SEC63: variants seen among roughly 807,000 people sequenced by gnomAD.
SEC63 encodes SEC63 protein translocation regulator.
In SEC63, 56 loss-of-function variants were observed where a neutral mutation model predicts 116.2. The ratio of observed to expected loss-of-function variants is 0.48; its 90% confidence interval spans 0.39 to 0.60. The LOEUF is 0.60. Ranked by LOEUF, SEC63 falls within the 20% of genes least tolerant of loss-of-function variation. The pLI, the probability that SEC63 is intolerant of heterozygous loss-of-function variation, is 0.00. For missense variants in SEC63, 668 were observed against 900.0 expected, an observed-to-expected ratio of 0.74 and a Z score of 3.30; for synonymous variants, 273 against 294.6, an observed-to-expected ratio of 0.93 and a Z score of 0.75.
chr6:107,904,049 C>T lies in SEC63; in HGVS notation c.1054+580G>A, dbSNP rs536891241. On this transcript the variant is annotated intron_variant, in intron 11 of 20. Transcript: ENST00000369002. ...AGGAGAATCACTTGACCCTGGGAGG[C>T]GGAGGTTGCAGTGAGCCAAGATCGC... Among the ~76,000 whole-genome samples, 5 of 148,374 alleles carry T rather than the reference C, an allele frequency of 3.4e-5. No homozygotes were observed. The South Asian group carries it at 8.6e-4, about 25-fold the overall frequency.
Position 107,868,474 on chromosome 6 carries a change from G to A in SEC63, c.*3230C>T, listed in dbSNP as rs1370142151. The stretch of plus-strand genomic sequence containing the variant: ...TGCACCTGCAGTCCCAGCTACTCAG[G>A]AGGCTGAGGCAGAAGAATCGCTTGA... On this transcript the variant is annotated 3_prime_UTR_variant, in exon 21 of 21. Coordinates refer to ENST00000369002, the MANE Select transcript of SEC63 (RefSeq NM_007214.5). The A allele has an allele frequency of 3.9e-5, 6 of 152,400 alleles. No homozygotes were observed. Among genetic ancestry groups the A allele is most frequent in the African/African-American group, 9.7e-5 (4 of 41,436 alleles). 9.4% of individuals were successfully genotyped at this position (152,400 alleles called of 1,614,324 possible).
In SEC63 at chr6:107,873,544, T is replaced by TA. The variant is rs764531524; in HGVS notation, c.2035-633dup. The stretch of plus-strand genomic sequence containing the variant: ...ATTAAATATTAAAATATGCCAGTTT[T>TA]AAAAAAACTAGAAAAAATCATGAAG... On this transcript the variant is annotated intron_variant, in intron 19 of 20. Transcript: ENST00000369002. 2.6e-4 allele frequency among the ~76,000 whole-genome samples: 39 copies of TA among 152,008 alleles called. 5 individuals are homozygous for TA. Among genetic ancestry groups the TA allele is most frequent in the Admixed American group, 1.6e-3 (25 of 15,258 alleles).
intron 16 of SEC63, among the ~76,000 whole-genome samples, chr6:107,891,116 T>C (rs1305554093): frequency 2.0e-5 from 3 of 151,924 alleles, no homozygotes; most frequent in Admixed American, 6.6e-5. Flanking sequence ...ATGTTGACCT[T>C]GCTAGGTTGG....
At chr6:107,928,057 A>G (rs1209384785) in intron 2 of SEC63, among the ~76,000 whole-genome samples, 1 of 152,154 alleles carries the variant, frequency 6.6e-6, no homozygotes, top group Non-Finnish European at 1.5e-5. Context: ...TTTAATTCAA[A>G]ATGAGAACCA....
intron 12 of SEC63, among the ~76,000 whole-genome samples, chr6:107,902,557 A>C (rs1787030678): frequency 6.6e-6 from 1 of 151,620 alleles, no homozygotes. Flanking sequence ...TGTAAAGTAG[A>C]CAGTACATTT....
intron 16 of SEC63, among the ~76,000 whole-genome samples, chr6:107,884,802 T>A (rs1369625974): frequency 6.6e-6 from 1 of 152,074 alleles, no homozygotes; most frequent in East Asian, 1.9e-4. Flanking sequence ...AAGAAAATAC[T>A]GTAAAATCCA....
chr6:107,907,826 C>G (rs1179786864), intron 8 of SEC63, among the ~76,000 whole-genome samples: 3 of 152,102 alleles, frequency 2.0e-5, no homozygotes, highest in Non-Finnish European at 4.4e-5. Flanking sequence ...CTAAAATAAC[C>G]TAGAATGTGT....
chr6:107,897,602 C>T, intron 14 of SEC63, 47 bp downstream of exon 14: 1 of 1,268,638 alleles, frequency 7.9e-7, no homozygotes, highest in Non-Finnish European at 1.2e-6. Context: ...ATATAAAAGC[C>T]TTGACACACA....
intron 18 of SEC63, 118 bp downstream of exon 18, chr6:107,881,031 T>A: frequency 1.3e-6 from 1 of 766,006 alleles, no homozygotes; most frequent in Admixed American, 1.8e-5. Context: ...CCTCTCAGGA[T>A]AGACCACATT....
intron 1 of SEC63, among the ~76,000 whole-genome samples, chr6:107,932,745 T>A (rs1341134377): frequency 6.6e-6 from 1 of 152,134 alleles, no homozygotes; most frequent in East Asian, 1.9e-4. Context: ...TAGCTCTATC[T>A]ACTAAGTGGG....
At chr6:107,922,453 C>A (rs1364443849) in intron 3 of SEC63, among the ~76,000 whole-genome samples, 1 of 152,230 alleles carries the variant, frequency 6.6e-6, no homozygotes, top group Non-Finnish European at 1.5e-5. Context: ...CTGCAGTGAG[C>A]TGAGACTACG....
chr6:107,917,603 C>T (rs769731697), intron 4 of SEC63, among the ~76,000 whole-genome samples: 47 of 152,172 alleles, frequency 3.1e-4, no homozygotes, highest in Admixed American at 1.3e-4. Context: ...AGAGCAACAG[C>T]GCTTAAAGGA....
Position 107,902,931 on chromosome 6 carries a change from A to G in SEC63, c.1122T>C (p.Val374=). The part of the protein sequence containing the change: ...ENCMKLSQMA[V]QGLQQFKSPL... The stretch of plus-strand genomic sequence containing the variant: ...GAGACTTAAATTGCTGAAGTCCCTG[A>G]ACGGCCATCTGAGAAAGCTTCATGC... Residue 374 remains valine, a synonymous_variant, in exon 12 of 21, where the codon GTT becomes GTC. Transcript: ENST00000369002. The G allele has an allele frequency of 6.2e-7, 1 of 1,614,002 alleles. No homozygotes were observed. The highest frequency in any genetic ancestry group is 8.5e-7 in the Non-Finnish European group (1 of 1,179,884).
Position 107,901,373 on chromosome 6 carries a change from G to A in SEC63, c.1354C>T (p.Gln452Ter). The change falls in exon 13 of 21, where the codon CAG becomes TAG. Residue 452 changes from glutamine to a stop codon, truncating the protein, a stop_gained. Coordinates refer to ENST00000369002, the MANE Select transcript of SEC63 (RefSeq NM_007214.5). LOFTEE classifies it high-confidence loss of function. ...FPYVTMDIKS[Q>*]VLDDEDSNNI... ...AACAGAGAAACCTCCCACTTACCCT[G>A]TGATTTTATATCCATGGTCACATAT... 1 of 1,612,508 alleles carries A rather than the reference G, an allele frequency of 6.2e-7. No homozygotes were observed. The highest frequency in any genetic ancestry group is 8.5e-7 in the Non-Finnish European group (1 of 1,179,594).
chr6:107,876,681 A>AAAG lies in SEC63; in HGVS notation c.1936-20_1936-19insCTT. ...GTTTTTCCTGGAAACAAAAAAAAAA[A>AAAG]AAAAAAAAGAAGAGGGGTATAAATA... On this transcript the variant is annotated intron_variant, in intron 18 of 20. Transcript: ENST00000369002. The AAAG allele has an allele frequency of 1.3e-6, 2 of 1,504,686 alleles. No individual in the cohort carries two copies. The highest frequency in any genetic ancestry group is 2.3e-5 in the South Asian group (2 of 86,592). The allele number at this position is 1,504,686 out of a possible 1,614,324, so 93.2% of individuals were successfully genotyped here.
chr6:107,876,676 A>AAAG lies in SEC63; in HGVS notation c.1936-15_1936-14insCTT. 1 of 1,464,242 alleles carries AAAG rather than the reference A, an allele frequency of 6.8e-7. No homozygotes were observed. The highest frequency in any genetic ancestry group is 9.4e-7 in the Non-Finnish European group (1 of 1,064,384). The allele number at this position is 1,464,242 out of a possible 1,614,324, so 90.7% of individuals were successfully genotyped here. A position where few individuals can be genotyped will look rare whatever the true frequency, so the allele number is the denominator to read the frequency against. On this transcript the variant is annotated splice_polypyrimidine_tract_variant and intron_variant, in intron 18 of 20. Transcript: ENST00000369002. ...TTCTTGTTTTTCCTGGAAACAAAAA[A>AAAG]AAAAAAAAAAAAAGAAGAGGGGTAT...
chr6:107,946,881 G>A (rs1387718863), intron 1 of SEC63, among the ~76,000 whole-genome samples: 3 of 152,102 alleles, frequency 2.0e-5, no homozygotes, highest in African/African-American at 4.8e-5. Flanking sequence ...GTGGGCTCCT[G>A]TAATCTCAGC....
intron 11 of SEC63, 53 bp from the exon 12 acceptor site, chr6:107,903,051 G>T: frequency 6.3e-7 from 1 of 1,586,000 alleles, no homozygotes; most frequent in Non-Finnish European, 8.6e-7. Context: ...ACATGTTCAG[G>T]AGTATACAAT....
At chr6:107,930,069 CACATACACTAAAACCGGAGCAGG>C (rs1216319502) in intron 1 of SEC63, 2 of 154,210 alleles carry the variant, frequency 1.3e-5, no homozygotes, top group East Asian at 3.8e-4. Flanking sequence ...GCTTCAGCAG[CACATACACTAAAACCGGAGCAGG>C]ACATACGCTA....
Sources: allele counts gnomAD v4.1 joint callset (sites outside exome capture counted in the v4.1 genomes callset), GRCh38; gene constraint gnomAD v4.1.1; transcripts MANE v1.5; gene names NCBI Gene and HGNC (gene_info 2026-07-23, HGNC 2026-07-21).